The following NCEH1 variants were observed in gnomAD, a reference collection of about 807,000 sequenced individuals.
NCEH1 encodes the protein 2-acetyl MAGE hydrolase.
NCEH1 carries 9 observed loss-of-function variants against 25.4 expected under a neutral mutation model. That is an observed-to-expected ratio of 0.35 (90% CI 0.21 to 0.62). The LOEUF (loss-of-function observed/expected upper bound fraction) is 0.62, where lower values mean the gene tolerates loss of function less well. NCEH1 is among the 20% of genes least tolerant of loss of function. The pLI, the probability that NCEH1 is intolerant of heterozygous loss-of-function variation, is 0.72. For synonymous variants in NCEH1, 200 were observed against 199.8 expected (o/e 1.00, Z -0.01); for missense variants, 412 against 501.1 (o/e 0.82, Z 1.70).
chr3:172,692,443 A>G (rs889814222), intron 1 of NCEH1, among the ~76,000 whole-genome samples: 1 of 152,020 alleles, frequency 6.6e-6, no homozygotes, highest in Non-Finnish European at 1.5e-5. Context: ...CTGTAGCCTC[A>G]ATTTCCTGGG....
At chr3:172,687,803 T>C (rs1458302543) in intron 1 of NCEH1, among the ~76,000 whole-genome samples, 1 of 152,210 alleles carries the variant, frequency 6.6e-6, no homozygotes, top group Non-Finnish European at 1.5e-5. Context: ...ATGTTTAATA[T>C]GCAATGTGGG....
At chr3:172,708,170 A>C (rs1475059651) in intron 1 of NCEH1, among the ~76,000 whole-genome samples, 1 of 152,258 alleles carries the variant, frequency 6.6e-6, no homozygotes, top group Admixed American at 6.5e-5. Flanking sequence ...ATGCTAAAGC[A>C]TAAAGTATTT....
chr3:172,661,737 G>A (rs1361951576), intron 1 of NCEH1, among the ~76,000 whole-genome samples: 1 of 152,118 alleles, frequency 6.6e-6, no homozygotes, highest in African/African-American at 2.4e-5. Flanking sequence ...TGAAGCAACT[G>A]TGAATGGGAG....
Position 172,632,004 on chromosome 3 carries a change from G to A in NCEH1, c.*1471C>T, listed in dbSNP as rs1244363598. On this transcript the variant is annotated 3_prime_UTR_variant, in exon 5 of 5. Coordinates refer to ENST00000475381, the MANE Select transcript of NCEH1 (RefSeq NM_020792.6). ...AGACTTTACATGAAGTTAAGCTTGG[G>A]CTGTTGAAACTTCCAGACCTGGCTG... 1 of 152,622 alleles carries A rather than the reference G, an allele frequency of 6.6e-6. No individual in the cohort carries two copies. Among genetic ancestry groups the A allele is most frequent in the East Asian group, 1.9e-4 (1 of 5,204 alleles). 9.5% of individuals were successfully genotyped at this position (152,622 alleles called of 1,614,324 possible). A position where few individuals can be genotyped will look rare whatever the true frequency, so the allele number is the denominator to read the frequency against.
rs746939601 is a variant in NCEH1, at chr3:172,635,897, C to T, written c.609+19G>A. ...CATGCACCGCTTAACCCACCAGCAC[C>T]TTAGGACAGTGGTGTTACCTGTTGT... On this transcript the variant is annotated intron_variant, in intron 4 of 4. Transcript: ENST00000475381. 2.5e-6 allele frequency: 4 copies of T among 1,613,468 alleles called. No homozygotes were observed. Among genetic ancestry groups the T allele is most frequent in the Admixed American group, 1.7e-5 (1 of 60,030 alleles).
At chr3:172,665,788 G>A (rs2108509136) in intron 1 of NCEH1, among the ~76,000 whole-genome samples, 1 of 152,368 alleles carries the variant, frequency 6.6e-6, no homozygotes, top group Non-Finnish European at 1.5e-5. Context: ...GACCCGCCGA[G>A]CCATGCGCGG....
chr3:172,664,851 C>T (rs6785327), intron 1 of NCEH1, among the ~76,000 whole-genome samples: 87 of 152,100 alleles, frequency 5.7e-4, no homozygotes, highest in African/African-American at 1.8e-3. Flanking sequence ...TCTAGTTAGC[C>T]ATTTGTCTAA....
At position 172,647,947 on chromosome 3, in the gene NCEH1, T is replaced by C; in HGVS notation, c.306A>G (p.Glu102=). The C allele has an allele frequency of 2.1e-5, 34 of 1,614,194 alleles. No homozygotes were observed. The highest frequency in any genetic ancestry group is 2.9e-5 in the Non-Finnish European group (34 of 1,180,020). The change falls in exon 2 of 5, where the codon GAA becomes GAG. Residue 102 remains glutamate, a synonymous_variant. Coordinates refer to ENST00000475381, the MANE Select transcript of NCEH1 (RefSeq NM_020792.6). ...AAACGACGCTGCGTTTCAGTGGCTC[T>C]TCGGGCTTCGGAGGGCCTTCAAACA... ...VRVFEGPPKP[E]EPLKRSVVYI... is the part of the protein sequence containing the mutation.
chr3:172,649,247 T>TAC (rs909765627), intron 1 of NCEH1, among the ~76,000 whole-genome samples: 7 of 151,984 alleles, frequency 4.6e-5, no homozygotes, highest in African/African-American at 7.2e-5. Context: ...TATATATATA[T>TAC]ACACACACAC....
In NCEH1 at chr3:172,710,994, G is replaced by A; in HGVS notation, c.-10C>T. 1 of 1,613,802 alleles carries A rather than the reference G, an allele frequency of 6.2e-7. No homozygotes were observed. Among genetic ancestry groups the A allele is most frequent in the Non-Finnish European group, 8.5e-7 (1 of 1,179,890 alleles). ...CACAGGACGACCTCATCTTGCCCTG[G>A]CTCGGCTCGCCAGCGGGCTGGCAAA... On this transcript the variant is annotated 5_prime_UTR_variant, in exon 1 of 5. Transcript: ENST00000475381.
chr3:172,644,867 G>A (rs977879345), intron 3 of NCEH1, among the ~76,000 whole-genome samples: 6 of 152,062 alleles, frequency 3.9e-5, no homozygotes, highest in Admixed American at 3.9e-4. Context: ...TCAAATATGT[G>A]GTTTGTCAGA....
At position 172,633,596 on chromosome 3, in the gene NCEH1, G is replaced by T; in HGVS notation, c.1106C>A (p.Thr369Asn). Residue 369 changes from threonine to asparagine, a missense_variant, in exon 5 of 5, where the codon ACC (threonine) becomes AAC (asparagine). By Grantham distance (65) the Thr-to-Asn change is moderately conservative. Transcript: ENST00000475381. ...AAAGCCATCCTCAAAGTGATCCAGG[G>T]TCACCTCCACACCGGCACTCTCCAA... is the stretch of plus-strand genomic sequence containing the variant. ...KRLESAGVEV[T>N]LDHFEDGFHG... 1 of 1,614,106 alleles carries T rather than the reference G, an allele frequency of 6.2e-7. No homozygotes were observed. The highest frequency in any genetic ancestry group is 8.5e-7 in the Non-Finnish European group (1 of 1,180,014).
At chr3:172,682,796 G>A (rs1390143772) in intron 1 of NCEH1, among the ~76,000 whole-genome samples, 1 of 152,174 alleles carries the variant, frequency 6.6e-6, no homozygotes, top group East Asian at 1.9e-4. Flanking sequence ...CTCTGGAGGA[G>A]ACACAGAATG....
chr3:172,678,035 C>A (rs1712118261), intron 1 of NCEH1, among the ~76,000 whole-genome samples: 1 of 152,236 alleles, frequency 6.6e-6, no homozygotes, highest in Non-Finnish European at 1.5e-5. Flanking sequence ...TAAACACTGT[C>A]ATTATTTTAA....
intron 3 of NCEH1, among the ~76,000 whole-genome samples, chr3:172,644,068 T>G (rs906174852): frequency 6.6e-6 from 1 of 152,038 alleles, no homozygotes; most frequent in Non-Finnish European, 1.5e-5. Context: ...GCTCCAGCTG[T>G]CTGGACTCTA....
At chr3:172,666,640 G>GT (rs1452532248) in intron 1 of NCEH1, among the ~76,000 whole-genome samples, 2 of 152,166 alleles carry the variant, frequency 1.3e-5, no homozygotes, top group Non-Finnish European at 2.9e-5. Flanking sequence ...CATCGGAGCC[G>GT]TATCATTTTG....
intron 1 of NCEH1, among the ~76,000 whole-genome samples, chr3:172,691,154 G>C (rs1360664008): frequency 6.6e-6 from 1 of 152,108 alleles, no homozygotes; most frequent in African/African-American, 2.4e-5. Context: ...GAGCGGGCTG[G>C]ACTGTAGGAT....
In NCEH1 at chr3:172,645,708, G is replaced by A. The variant is rs957019737; in HGVS notation, c.368-16C>T. On this transcript the variant is annotated splice_polypyrimidine_tract_variant and intron_variant, in intron 2 of 4. Transcript: ENST00000475381. ...TACCTGATTTCTAAAAGACACAAAG[G>A]GAACAATCATTACAAAACAGGTCAT... 8 of 1,540,376 alleles carry A rather than the reference G, an allele frequency of 5.2e-6. No homozygotes were observed. Among genetic ancestry groups the A allele is most frequent in the Non-Finnish European group, 5.3e-6 (6 of 1,127,814 alleles).
At position 172,676,429 on chromosome 3, in the gene NCEH1, T is replaced by C. The variant is rs761986858; in HGVS notation, c.139-28315A>G. On this transcript the variant is annotated intron_variant, in intron 1 of 4. Transcript: ENST00000475381. ...GTGTTCAGAACATCATGGCGATCCG[T>C]ATTTGCATATTAAAGAGCTAAGGTG... Among the ~76,000 whole-genome samples the C allele has an allele frequency of 7.2e-5, 11 of 152,134 alleles. No individual in the cohort carries two copies. The South Asian group carries it at 1.4e-3, about 20-fold the overall frequency.
Sources: gnomAD v4.1 joint callset for allele counts (sites outside exome capture counted in the v4.1 genomes callset) on GRCh38, gnomAD v4.1.1 for gene constraint, MANE v1.5 for transcripts, NCBI Gene and HGNC (gene_info 2026-07-23, HGNC 2026-07-21) for gene names.